BBS9: variants seen among roughly 807,000 people sequenced by gnomAD.
BBS9 encodes the protein protein PTHB1.
In BBS9, 89 loss-of-function variants were observed where a neutral mutation model predicts 117.7. That is an observed-to-expected ratio of 0.76 (90% CI 0.64 to 0.90). BBS9 has a LOEUF of 0.90. Among genes scored for constraint, BBS9 ranks in the 40% least tolerant of loss-of-function variants. The pLI, the probability that BBS9 is intolerant of heterozygous loss-of-function variation, is 0.00. For missense variants in BBS9, 982 were observed against 1,042.2 expected (o/e 0.94, Z 0.80); for synonymous variants, 379 against 370.9 (o/e 1.02, Z -0.25).
chr7:33,493,429 A>G (rs1844292946), intron 19 of BBS9, among the ~76,000 whole-genome samples: 1 of 152,228 alleles, frequency 6.6e-6, no homozygotes, highest in South Asian at 2.1e-4. Context: ...CTTTTCAGTA[A>G]GTAATGATAG....
intron 19 of BBS9, among the ~76,000 whole-genome samples, chr7:33,485,147 G>A (rs1037771795): frequency 1.1e-4 from 16 of 152,050 alleles, no homozygotes; most frequent in African/African-American, 3.9e-4. Context: ...CCTGTCGTGG[G>A]GATAGCGGAG....
chr7:33,369,235 T>A (rs976721342), intron 17 of BBS9, among the ~76,000 whole-genome samples: 1 of 152,298 alleles, frequency 6.6e-6, no homozygotes, highest in East Asian at 1.9e-4. Flanking sequence ...TATGCCAACA[T>A]TTCTTTGGGA....
intron 21 of BBS9, among the ~76,000 whole-genome samples, chr7:33,582,118 T>C (rs1024165088): frequency 1.3e-5 from 2 of 152,078 alleles, no homozygotes; most frequent in Admixed American, 1.3e-4. Context: ...CTAGCCCCTC[T>C]TTGCTGTAAT....
intron 5 of BBS9, among the ~76,000 whole-genome samples, chr7:33,208,133 C>T (rs912916134): frequency 2.0e-5 from 3 of 152,104 alleles, no homozygotes; most frequent in Admixed American, 2.0e-4. Context: ...AAAAGTCATG[C>T]ATTCCTACCA....
At chr7:33,397,542 CA>C (rs1413970460) in intron 19 of BBS9, among the ~76,000 whole-genome samples, 1 of 152,054 alleles carries the variant, frequency 6.6e-6, no homozygotes, top group Non-Finnish European at 1.5e-5. Flanking sequence ...GCACAGTTCA[CA>C]ATAGCAAAAA....
At chr7:33,405,823 GT>G (rs1158329570) in intron 19 of BBS9, among the ~76,000 whole-genome samples, 1 of 151,918 alleles carries the variant, frequency 6.6e-6, no homozygotes, top group Non-Finnish European at 1.5e-5. Context: ...TTTTTGAAGG[GT>G]TTTTTGTGTC....
intron 17 of BBS9, among the ~76,000 whole-genome samples, chr7:33,381,719 T>A (rs1825071558): frequency 6.6e-6 from 1 of 152,160 alleles, no homozygotes; most frequent in Admixed American, 6.5e-5. Context: ...GAACTCAGCA[T>A]CCAGAATAAG....
In BBS9 at chr7:33,475,088, C is replaced by A. The variant is rs569981769; in HGVS notation, c.2116-30375C>A. Among the ~76,000 whole-genome samples the A allele has an allele frequency of 2.0e-5, 3 of 152,332 alleles. No individual in the cohort carries two copies. In the South Asian group the frequency reaches 6.2e-4, roughly 32 times the overall value. On this transcript the variant is annotated intron_variant, in intron 19 of 22. Transcript: ENST00000242067. ...ATAACTGGCAAGAAAAATAAGATTA[C>A]CATGATTGGCTCTAGGGGTTGGCAA...
intron 19 of BBS9, among the ~76,000 whole-genome samples, chr7:33,418,508 G>A (rs1264806409): frequency 6.6e-6 from 1 of 152,166 alleles, no homozygotes; most frequent in African/African-American, 2.4e-5. Flanking sequence ...TCTTTTCACA[G>A]TGGAAACCAT....
intron 9 of BBS9, among the ~76,000 whole-genome samples, chr7:33,274,333 T>C (rs1266328632): frequency 1.3e-5 from 2 of 152,220 alleles, no homozygotes; most frequent in African/African-American, 4.8e-5. Context: ...CTGTTCATTA[T>C]AATAAGTTCT....
At chr7:33,323,802 TC>T (rs1371060144) in intron 9 of BBS9, among the ~76,000 whole-genome samples, 4 of 151,536 alleles carry the variant, frequency 2.6e-5, no homozygotes, top group African/African-American at 9.7e-5. Context: ...TTTCTGGTCT[TC>T]TCTTCCTTCT....
chr7:33,344,700 G>A, intron 12 of BBS9, 66 bp downstream of exon 12: 2 of 1,487,858 alleles, frequency 1.3e-6, no homozygotes, highest in Non-Finnish European at 1.9e-6. Flanking sequence ...ATCTGTCACT[G>A]TTGAGAACTT....
chr7:33,236,114 G>A (rs968384227), intron 5 of BBS9, among the ~76,000 whole-genome samples: 10 of 152,000 alleles, frequency 6.6e-5, no homozygotes, highest in African/African-American at 2.2e-4. Context: ...ATCACCTGAG[G>A]TTGGGAGTTC....
At chr7:33,247,011 C>T (rs1261803391) in intron 5 of BBS9, among the ~76,000 whole-genome samples, 2 of 152,014 alleles carry the variant, frequency 1.3e-5, no homozygotes, top group Non-Finnish European at 2.9e-5. Flanking sequence ...AGAGACTTCT[C>T]ATATTTTTTA....
intron 19 of BBS9, among the ~76,000 whole-genome samples, chr7:33,403,465 C>A (rs1270911682): frequency 9.5e-6 from 1 of 105,092 alleles, no homozygotes; most frequent in Non-Finnish European, 1.8e-5. Flanking sequence ...TCCCTCCCCC[C>A]TCCCCCCACC....
chr7:33,479,445 T>G (rs1008924004), intron 19 of BBS9, among the ~76,000 whole-genome samples: 1 of 152,214 alleles, frequency 6.6e-6, no homozygotes, highest in African/African-American at 2.4e-5. Context: ...ATTATTTTAT[T>G]GTTTTTTTAT....
chr7:33,207,784 A>G (rs1787224631), intron 5 of BBS9, among the ~76,000 whole-genome samples: 1 of 152,058 alleles, frequency 6.6e-6, no homozygotes, highest in African/African-American at 2.4e-5. Context: ...ACATGTGCAC[A>G]TAAATGTGTA....
At chr7:33,303,902 A>C (rs1175705313) in intron 9 of BBS9, among the ~76,000 whole-genome samples, 1 of 152,146 alleles carries the variant, frequency 6.6e-6, no homozygotes, top group East Asian at 1.9e-4. Context: ...CAAAGTGCTA[A>C]GATTACAGCC....
At chr7:33,355,359 T>C (rs1819435817) in intron 15 of BBS9, among the ~76,000 whole-genome samples, 1 of 151,912 alleles carries the variant, frequency 6.6e-6, no homozygotes, top group African/African-American at 2.4e-5. Context: ...AAACTAGAGA[T>C]TGTATTGTAA....
Sources: gnomAD v4.1 joint callset for allele counts (sites outside exome capture counted in the v4.1 genomes callset) on GRCh38, gnomAD v4.1.1 for gene constraint, MANE v1.5 for transcripts, NCBI Gene and HGNC (gene_info 2026-07-23, HGNC 2026-07-21) for gene names.